Variants in ANKS1A observed in about 807,000 individuals in gnomAD.
ANKS1A encodes the protein ankyrin repeat and SAM domain-containing protein 1A.
ANKS1A carries 55 observed loss-of-function variants against 120.3 expected under a neutral mutation model. That is an observed-to-expected ratio of 0.46 (90% CI 0.37 to 0.57). The LOEUF (loss-of-function observed/expected upper bound fraction) is 0.57. Among genes scored for constraint, ANKS1A ranks in the 20% least tolerant of loss-of-function variants. ANKS1A has a pLI of 0.00. For missense variants in ANKS1A, 1,123 were observed against 1,480.3 expected, an observed-to-expected ratio of 0.76 and a Z score of 3.96; for synonymous variants, 590 against 604.7, an observed-to-expected ratio of 0.98 and a Z score of 0.36.
chr6:34,978,352 A>G (rs1771716109), intron 3 of ANKS1A, among the ~76,000 whole-genome samples: 1 of 152,172 alleles, frequency 6.6e-6, no homozygotes, highest in South Asian at 2.1e-4. Context: ...CTCAGTCCAG[A>G]TTAGTAGTAA....
chr6:35,005,639 TA>T (rs2127547786), intron 10 of ANKS1A: 1 of 407,966 alleles, frequency 2.5e-6, no homozygotes, highest in South Asian at 1.8e-5. Context: ...GAAAGAAAAG[TA>T]AAAGTAAAGA....
At chr6:35,015,730 C>T (rs1408702681) in intron 10 of ANKS1A, among the ~76,000 whole-genome samples, 1 of 152,222 alleles carries the variant, frequency 6.6e-6, no homozygotes, top group East Asian at 1.9e-4. Flanking sequence ...GCGAGTTGGG[C>T]TCACTGTGAG....
intron 10 of ANKS1A, among the ~76,000 whole-genome samples, chr6:35,006,112 C>G (rs527632264): frequency 6.6e-6 from 1 of 150,916 alleles, no homozygotes; most frequent in Non-Finnish European, 1.5e-5. Flanking sequence ...CGCTTGAACC[C>G]GGGAGGCAGA....
intron 1 of ANKS1A, among the ~76,000 whole-genome samples, chr6:34,960,499 C>T (rs560263446): frequency 2.3e-4 from 35 of 152,252 alleles, no homozygotes; most frequent in African/African-American, 7.9e-4. Context: ...CCTCATTTGG[C>T]TCCTTCACCA....
intron 2 of ANKS1A, among the ~76,000 whole-genome samples, chr6:34,969,099 A>G (rs1476840105): frequency 6.6e-6 from 1 of 152,148 alleles, no homozygotes; most frequent in Non-Finnish European, 1.5e-5. Context: ...TTTGATTTAC[A>G]GTGGGGATTT....
intron 3 of ANKS1A, among the ~76,000 whole-genome samples, chr6:34,975,785 A>G (rs995562079): frequency 2.0e-5 from 3 of 151,880 alleles, no homozygotes; most frequent in African/African-American, 7.3e-5. Context: ...ATAGAAACAG[A>G]GAGGTAAAGC....
At chr6:34,983,790 A>ATTT (rs11348002) in intron 7 of ANKS1A, among the ~76,000 whole-genome samples, 2 of 136,662 alleles carry the variant, frequency 1.5e-5, no homozygotes, top group Non-Finnish European at 3.1e-5. Context: ...CGAGTAATAA[A>ATTT]TTTTTTTTTT....
chr6:34,908,886 T>G (rs1009887716), intron 1 of ANKS1A, among the ~76,000 whole-genome samples: 8 of 150,148 alleles, frequency 5.3e-5, no homozygotes, highest in African/African-American at 2.0e-4. Flanking sequence ...CTTTTATTAG[T>G]AAAGAAAAAA....
In ANKS1A at chr6:34,995,486, A is replaced by G. The variant is rs891653111; in HGVS notation, c.1423+1064A>G. On this transcript the variant is annotated intron_variant, in intron 10 of 23. Coordinates refer to ENST00000360359, the MANE Select transcript of ANKS1A (RefSeq NM_015245.3). ...TGTGTAGTTCTGTGAATTTTGACAG[A>G]TGGAGTTGTATAACTGCCATCACAA... Among the ~76,000 whole-genome samples, 18 of 152,140 alleles carry G rather than the reference A, an allele frequency of 1.2e-4. 1 individual carries two copies. The highest frequency in any genetic ancestry group is 5.2e-4 in the Admixed American group (8 of 15,280).
chr6:35,019,967 T>C (rs1774245320), intron 11 of ANKS1A, among the ~76,000 whole-genome samples: 1 of 151,996 alleles, frequency 6.6e-6, no homozygotes, highest in Admixed American at 6.6e-5. Flanking sequence ...TAAAACCAGA[T>C]TGAAGCTGGT....
chr6:34,932,240 A>G (rs1769020274), intron 1 of ANKS1A, among the ~76,000 whole-genome samples: 1 of 152,232 alleles, frequency 6.6e-6, no homozygotes, highest in Admixed American at 6.5e-5. Context: ...GCTGGAGTAC[A>G]GTGGTGTGCG....
At position 34,932,079 on chromosome 6, in the gene ANKS1A, T is replaced by A. The variant is rs189138533; in HGVS notation, c.198-35160T>A. On this transcript the variant is annotated intron_variant, in intron 1 of 23. Transcript: ENST00000360359. Reference sequence around the variant, plus strand: ...TCTGACAAATTTTAAGGTACAGAGATTGGAGGACCTGGCACAGGAGTAAGC... The same window carrying A: ...TCTGACAAATTTTAAGGTACAGAGAATGGAGGACCTGGCACAGGAGTAAGC... 4.6e-5 allele frequency among the ~76,000 whole-genome samples: 7 copies of A among 152,338 alleles called. No individual in the cohort carries two copies. In the East Asian group the frequency reaches 1.4e-3, roughly 29 times the overall value.
chr6:34,970,206 T>G (rs776187405), intron 3 of ANKS1A, 40 bp downstream of exon 3: 6 of 1,577,002 alleles, frequency 3.8e-6, no homozygotes, highest in Non-Finnish European at 3.4e-6. Context: ...CATTCAGCTA[T>G]AGCCAGATGT....
At chr6:35,033,694 C>T (rs978713627) in intron 11 of ANKS1A, among the ~76,000 whole-genome samples, 4 of 152,190 alleles carry the variant, frequency 2.6e-5, no homozygotes, top group African/African-American at 2.4e-5. Context: ...TTTGTTTCAC[C>T]GCTGACAAAG....
chr6:35,047,878 T>G (rs954788783), intron 11 of ANKS1A, among the ~76,000 whole-genome samples: 1 of 152,254 alleles, frequency 6.6e-6, no homozygotes, highest in African/African-American at 2.4e-5. Context: ...CTCCCGGTCA[T>G]GTTCATGTCA....
intron 11 of ANKS1A, chr6:35,039,804 G>A (rs1331809050): frequency 3.2e-6 from 1 of 308,142 alleles, no homozygotes; most frequent in Non-Finnish European, 6.5e-6. Context: ...AGGAAGCTCA[G>A]GCTTCTGTAA....
intron 13 of ANKS1A, among the ~76,000 whole-genome samples, chr6:35,061,201 C>T (rs1234763789): frequency 6.6e-6 from 1 of 152,182 alleles, no homozygotes; most frequent in Non-Finnish European, 1.5e-5. Context: ...CACTGTCAGT[C>T]ATTGGCAGGG....
chr6:35,037,610 C>T (rs1337397979), intron 11 of ANKS1A, among the ~76,000 whole-genome samples: 3 of 152,182 alleles, frequency 2.0e-5, no homozygotes, highest in South Asian at 2.1e-4. Context: ...TTATGTACCA[C>T]TTCCAGTCAG....
chr6:34,912,890 G>T (rs1387758327), intron 1 of ANKS1A, among the ~76,000 whole-genome samples: 1 of 152,210 alleles, frequency 6.6e-6, no homozygotes. Flanking sequence ...ATTTCTTGTG[G>T]TTCTGCTGGC....
Sources: gnomAD v4.1 joint callset for allele counts (sites outside exome capture counted in the v4.1 genomes callset) on GRCh38, gnomAD v4.1.1 for gene constraint, MANE v1.5 for transcripts, NCBI Gene and HGNC (gene_info 2026-07-23, HGNC 2026-07-21) for gene names.